Variants in ADGRB3 observed in about 807,000 individuals in gnomAD.
ADGRB3 encodes adhesion G protein-coupled receptor B3, also known as brain-specific angiogenesis inhibitor 3.
In ADGRB3, 37 loss-of-function variants were observed where a neutral mutation model predicts 193.4. The ratio of observed to expected loss-of-function variants is 0.19; its 90% CI spans 0.15 to 0.25. ADGRB3 has a LOEUF of 0.25. Among genes scored for constraint, ADGRB3 ranks in the 10% least tolerant of loss-of-function variants. The pLI, the probability that ADGRB3 is intolerant of heterozygous loss-of-function variation, is 1.00. For synonymous variants in ADGRB3, 690 were observed against 644.2 expected, an observed-to-expected ratio of 1.07 and a Z score of -1.08; for missense variants, 1,637 against 1,852.9, an observed-to-expected ratio of 0.88 and a Z score of 2.14.
At chr6:68,760,429 C>T (rs6455298) in intron 3 of ADGRB3, among the ~76,000 whole-genome samples, 111,820 of 152,080 alleles carry the variant, frequency 0.74, 41,366 homozygotes, top group Middle Eastern at 0.9. Context: ...TAATTTTCCA[C>T]GTTAAGCCTT....
chr6:68,930,664 A>C lies in ADGRB3; in HGVS notation c.863A>C (p.Gln288Pro). The C allele has an allele frequency of 6.3e-7, 1 of 1,595,214 alleles. No individual in the cohort carries two copies. Among genetic ancestry groups the C allele is most frequent in the Non-Finnish European group, 8.6e-7 (1 of 1,164,582 alleles). ...GCTGATGCTGCTAAATTTATGGCAC[A>C]AACTGGTAATACGTTAGTTACATTT... ...EQADAAKFMAQTGESGVEEWS... is the reference protein window; with the variant it reads ...EQADAAKFMAPTGESGVEEWS... The change falls in exon 4 of 32, where the codon CAA becomes CCA. Residue 288 changes from glutamine to proline, a missense_variant. Physicochemically the swap from Gln to Pro is moderately conservative, Grantham distance 76. Around this residue, in one of 7 missense-constraint regions of ADGRB3, gnomAD observed 365 missense variants for 409.8 expected, o/e 0.89. Transcript: ENST00000370598.
chr6:68,666,487 C>T (rs562050529), intron 3 of ADGRB3, among the ~76,000 whole-genome samples: 2 of 151,750 alleles, frequency 1.3e-5, no homozygotes, highest in African/African-American at 4.8e-5. Flanking sequence ...CTGTAATTGT[C>T]CTAGTCCCCT....
chr6:69,113,507 G>A (rs948871615), intron 17 of ADGRB3, among the ~76,000 whole-genome samples: 2 of 152,068 alleles, frequency 1.3e-5, no homozygotes, highest in Admixed American at 1.3e-4. Context: ...AACCACAGTA[G>A]ACGGTATAAT....
chr6:69,162,924 C>T (rs540123241), intron 17 of ADGRB3, among the ~76,000 whole-genome samples: 2 of 152,178 alleles, frequency 1.3e-5, no homozygotes, highest in East Asian at 3.9e-4. Flanking sequence ...ACCATTCCCA[C>T]ACAGACCGTG....
intron 20 of ADGRB3, among the ~76,000 whole-genome samples, chr6:69,300,904 G>C (rs1287627166): frequency 3.3e-5 from 5 of 151,738 alleles, no homozygotes; most frequent in Admixed American, 6.6e-5. Flanking sequence ...TCCTTGAGAA[G>C]GACATTCTTG....
chr6:68,876,667 A>T lies in ADGRB3; in HGVS notation c.758-53892A>T, dbSNP rs536521591. Among the ~76,000 whole-genome samples the T allele has an allele frequency of 1.1e-3, 173 of 152,308 alleles. 1 individual carries two copies. The highest frequency in any genetic ancestry group is 4.1e-3 in the African/African-American group (170 of 41,578). ...GGTCAATGATGAATAAACAGTGCTA[A>T]ATACTTTCTTTTTATGGATGTACCA... On this transcript the variant is annotated intron_variant, in intron 3 of 31. Transcript: ENST00000370598.
chr6:68,955,992 T>G, intron 6 of ADGRB3, 32 bp from the exon 7 acceptor site: 2 of 1,604,364 alleles, frequency 1.2e-6, no homozygotes, highest in Non-Finnish European at 1.7e-6. Flanking sequence ...TTGGAAGATA[T>G]CCTCATGCTG....
At chr6:69,067,235 C>T (rs151275110) in intron 16 of ADGRB3, among the ~76,000 whole-genome samples, 14 of 152,056 alleles carry the variant, frequency 9.2e-5, no homozygotes, top group East Asian at 5.8e-4. Context: ...GAGATAAATG[C>T]GTTATGTTTG....
At chr6:69,001,139 G>A (rs1333497859) in intron 11 of ADGRB3, among the ~76,000 whole-genome samples, 1 of 152,208 alleles carries the variant, frequency 6.6e-6, no homozygotes, top group African/African-American at 2.4e-5. Context: ...AACAACAGCA[G>A]TAAGTAAAGA....
chr6:69,044,836 C>T (rs189607424), intron 13 of ADGRB3, among the ~76,000 whole-genome samples: 1 of 151,650 alleles, frequency 6.6e-6, no homozygotes, highest in Non-Finnish European at 1.5e-5. Flanking sequence ...ACACTGAGTC[C>T]TTTGAGATTT....
intron 19 of ADGRB3, 146 bp from the exon 20 acceptor site, chr6:69,238,978 A>C: frequency 4.8e-6 from 2 of 413,722 alleles, no homozygotes; most frequent in South Asian, 1.5e-4. Context: ...TTATTTTAGA[A>C]ACTATTTTTA....
rs375904828 is a variant in ADGRB3, at chr6:68,942,161, A to C, written c.1031-1669A>C. Among the ~76,000 whole-genome samples, 9 of 152,134 alleles carry C rather than the reference A, an allele frequency of 5.9e-5. No homozygotes were observed. The East Asian group carries it at 9.6e-4, about 16-fold the overall frequency. ...CAACTAACTTAGGCAAATAAATAAC[A>C]CCAATAGAAAGGGATGGGGTATCTC... is the stretch of plus-strand genomic sequence containing the variant. On this transcript the variant is annotated intron_variant, in intron 5 of 31. Transcript: ENST00000370598.
chr6:68,705,307 T>C (rs1765306197), intron 3 of ADGRB3, among the ~76,000 whole-genome samples: 1 of 152,184 alleles, frequency 6.6e-6, no homozygotes, highest in African/African-American at 2.4e-5. Flanking sequence ...TGCTTATCCA[T>C]TGCTATTTGT....
intron 3 of ADGRB3, among the ~76,000 whole-genome samples, chr6:68,663,411 T>C (rs1266578053): frequency 6.6e-6 from 1 of 151,628 alleles, no homozygotes; most frequent in Non-Finnish European, 1.5e-5. Context: ...AAAATATTTA[T>C]ATTTTATTAA....
intron 3 of ADGRB3, among the ~76,000 whole-genome samples, chr6:68,690,148 T>G (rs1765048436): frequency 6.6e-6 from 1 of 152,126 alleles, no homozygotes; most frequent in Admixed American, 6.6e-5. Flanking sequence ...TCCTTTTCTG[T>G]CTTAGGTCAT....
chr6:69,295,759 A>G (rs1198542967), intron 20 of ADGRB3, among the ~76,000 whole-genome samples: 1 of 152,162 alleles, frequency 6.6e-6, no homozygotes, highest in East Asian at 1.9e-4. Context: ...TTTGACAGTC[A>G]CTGAACCATT....
At chr6:68,808,988 T>G (rs9294809) in intron 3 of ADGRB3, among the ~76,000 whole-genome samples, 25,660 of 152,154 alleles carry the variant, frequency 0.17, 2,605 homozygotes, top group African/African-American at 0.28. Context: ...AGATGAATTT[T>G]GTGCCCCCTG....
chr6:68,999,353 C>T (rs1198888649), intron 11 of ADGRB3, among the ~76,000 whole-genome samples: 1 of 151,580 alleles, frequency 6.6e-6, no homozygotes, highest in South Asian at 2.1e-4. Flanking sequence ...CAAGCTCTGC[C>T]TCCCGGGTTC....
chr6:68,967,821 G>T (rs1429780844), intron 8 of ADGRB3, among the ~76,000 whole-genome samples: 1 of 152,120 alleles, frequency 6.6e-6, no homozygotes, highest in East Asian at 1.9e-4. Flanking sequence ...GGGGCAGTCA[G>T]TGGGGTCTGA....
Sources: gnomAD v4.1 joint callset for allele counts (sites outside exome capture counted in the v4.1 genomes callset) on GRCh38, gnomAD v4.1.1 for gene constraint, gnomAD v4.1.1 regional missense constraint, MANE v1.5 for transcripts, NCBI Gene and HGNC (gene_info 2026-07-23, HGNC 2026-07-21) for gene names.